The following ADGRB3 variants were observed in gnomAD, a reference collection of about 807,000 sequenced individuals.
ADGRB3 encodes adhesion G protein-coupled receptor B3, also known as brain-specific angiogenesis inhibitor 3.
ADGRB3 carries 37 observed loss-of-function variants against 193.4 expected under a neutral mutation model. The observed-to-expected ratio is 0.19, with a 90% CI of 0.15 to 0.25. The LOEUF (loss-of-function observed/expected upper bound fraction) is 0.25. ADGRB3 is among the 10% of genes least tolerant of loss of function. The pLI is 1.00. For missense variants in ADGRB3, 1,637 were observed against 1,852.9 expected (o/e 0.88, Z 2.14); for synonymous variants, 690 against 644.2 (o/e 1.07, Z -1.08).
chr6:68,911,556 G>T (rs765762101), intron 3 of ADGRB3, among the ~76,000 whole-genome samples: 1 of 152,156 alleles, frequency 6.6e-6, no homozygotes, highest in African/African-American at 2.4e-5. Flanking sequence ...TATATAGGAG[G>T]CTGTGTGTGA....
chr6:69,204,698 A>G (rs926180115), intron 17 of ADGRB3, among the ~76,000 whole-genome samples: 3 of 152,154 alleles, frequency 2.0e-5, no homozygotes, highest in Non-Finnish European at 4.4e-5. Flanking sequence ...AAAACATTTT[A>G]TCTAGAAATT....
At chr6:69,227,250 G>A (rs551975591) in intron 17 of ADGRB3, among the ~76,000 whole-genome samples, 6 of 152,258 alleles carry the variant, frequency 3.9e-5, no homozygotes, top group Non-Finnish European at 7.4e-5. Context: ...GGGAGTGGTG[G>A]GCGAATATAT....
At chr6:69,059,020 C>A (rs540804345) in intron 15 of ADGRB3, among the ~76,000 whole-genome samples, 25 of 152,094 alleles carry the variant, frequency 1.6e-4, no homozygotes, top group African/African-American at 5.5e-4. Context: ...TCTAGGTAAT[C>A]TATCTAGTTA....
At chr6:68,897,987 T>TTA (rs1766287675) in intron 3 of ADGRB3, among the ~76,000 whole-genome samples, 2 of 146,924 alleles carry the variant, frequency 1.4e-5, no homozygotes, top group Non-Finnish European at 3.0e-5. Flanking sequence ...ATATTACATA[T>TTA]TATATATATA....
At chr6:68,828,055 C>T (rs764365931) in intron 3 of ADGRB3, among the ~76,000 whole-genome samples, 5 of 152,158 alleles carry the variant, frequency 3.3e-5, no homozygotes, top group Non-Finnish European at 5.9e-5. Context: ...ATGCACAAAA[C>T]GCACATAGTA....
chr6:68,775,925 A>C (rs1252981467), intron 3 of ADGRB3, among the ~76,000 whole-genome samples: 1 of 152,180 alleles, frequency 6.6e-6, no homozygotes, highest in Non-Finnish European at 1.5e-5. Context: ...GCATTAATTA[A>C]ATACTACATT....
intron 20 of ADGRB3, among the ~76,000 whole-genome samples, chr6:69,314,355 C>G (rs900171792): frequency 1.3e-5 from 2 of 151,632 alleles, no homozygotes; most frequent in African/African-American, 4.8e-5. Flanking sequence ...GTTTGAGATA[C>G]TCACATTTAG....
intron 3 of ADGRB3, among the ~76,000 whole-genome samples, chr6:68,716,650 A>C (rs1439807576): frequency 6.6e-6 from 1 of 151,600 alleles, no homozygotes; most frequent in African/African-American, 2.4e-5. Flanking sequence ...TTTACACCAT[A>C]GATATTGACA....
At chr6:69,003,964 T>A (rs762321841) in intron 11 of ADGRB3, among the ~76,000 whole-genome samples, 3 of 152,162 alleles carry the variant, frequency 2.0e-5, no homozygotes, top group Admixed American at 2.0e-4. Flanking sequence ...GTAAATAAAT[T>A]AGTTTGGTCG....
chr6:68,762,756 A>G (rs191581933), intron 3 of ADGRB3, among the ~76,000 whole-genome samples: 129 of 152,270 alleles, frequency 8.5e-4, no homozygotes, highest in Admixed American at 8.5e-4. Flanking sequence ...CATAAAAAGT[A>G]AAATAAGAAT....
intron 4 of ADGRB3, among the ~76,000 whole-genome samples, chr6:68,936,162 A>G (rs540050124): frequency 3.3e-4 from 51 of 152,294 alleles, no homozygotes; most frequent in Admixed American, 8.5e-4. Flanking sequence ...TTAGAAATAT[A>G]TTTTGCTTCC....
intron 11 of ADGRB3, among the ~76,000 whole-genome samples, chr6:69,002,462 C>T (rs540250935): frequency 2.0e-5 from 3 of 152,160 alleles, no homozygotes; most frequent in East Asian, 3.9e-4. Context: ...CATGATCCAC[C>T]CACCTTGGCC....
chr6:68,723,078 T>C (rs904522133), intron 3 of ADGRB3, among the ~76,000 whole-genome samples: 2 of 151,718 alleles, frequency 1.3e-5, no homozygotes, highest in Non-Finnish European at 2.9e-5. Context: ...AAACATTCTG[T>C]CATATAGTGA....
At chr6:69,060,433 A>G (rs1244307052) in intron 15 of ADGRB3, among the ~76,000 whole-genome samples, 1 of 152,034 alleles carries the variant, frequency 6.6e-6, no homozygotes, top group Non-Finnish European at 1.5e-5. Context: ...CAAAGTCTCC[A>G]CATTCCCAAA....
At chr6:69,298,106 G>T (rs553410952) in intron 20 of ADGRB3, among the ~76,000 whole-genome samples, 6 of 152,158 alleles carry the variant, frequency 3.9e-5, no homozygotes, top group African/African-American at 1.4e-4. Flanking sequence ...ACTTGTTAAA[G>T]ATGGCAAGGA....
rs549069092 is a variant in ADGRB3, at chr6:69,105,905, C to A, written c.2480+29867C>A. Among the ~76,000 whole-genome samples the A allele has an allele frequency of 7.9e-5, 12 of 152,074 alleles. No individual in the cohort carries two copies. The South Asian group carries it at 2.1e-3, about 26-fold the overall frequency. On this transcript the variant is annotated intron_variant, in intron 17 of 31. Coordinates refer to ENST00000370598, the MANE Select transcript of ADGRB3 (RefSeq NM_001704.3). ...ATCCCAGCATTTTGGGAGGCCAAGG[C>A]GGGTGGGTCACCTGAGGTCAGGAGT...
At chr6:69,146,186 C>T (rs1480763790) in intron 17 of ADGRB3, among the ~76,000 whole-genome samples, 1 of 152,112 alleles carries the variant, frequency 6.6e-6, no homozygotes, top group East Asian at 1.9e-4. Context: ...CTCAGCTTTA[C>T]CCCCATGCTC....
At chr6:69,239,059 C>T (rs1192781759) in intron 19 of ADGRB3, 65 bp from the exon 20 acceptor site, 33 of 869,878 alleles carry the variant, frequency 3.8e-5, no homozygotes, top group Non-Finnish European at 5.4e-5. Context: ...TCAGTTTGCA[C>T]AATATATAAT....
intron 16 of ADGRB3, among the ~76,000 whole-genome samples, chr6:69,074,049 T>C (rs1041014744): frequency 5.8e-4 from 88 of 152,296 alleles, no homozygotes; most frequent in African/African-American, 1.9e-3. Context: ...TTATTTTCAA[T>C]TTATGACTAA....
Sources: gnomAD v4.1 joint callset for allele counts (sites outside exome capture counted in the v4.1 genomes callset) on GRCh38, gnomAD v4.1.1 for gene constraint, MANE v1.5 for transcripts, NCBI Gene and HGNC (gene_info 2026-07-23, HGNC 2026-07-21) for gene names.